Variants in TM6SF1 observed in about 807,000 individuals in gnomAD.
The protein encoded by TM6SF1 is transmembrane 6 superfamily member 1.
Under a neutral mutation model 47.1 loss-of-function variants are expected in TM6SF1, and 43 were observed. That is an observed-to-expected ratio of 0.91 (90% CI 0.72 to 1.18). The LOEUF (loss-of-function observed/expected upper bound fraction) is 1.18, where lower values mean the gene tolerates loss of function less well. TM6SF1 is among the 50% of genes most tolerant of loss of function. The pLI is 0.00. For synonymous variants in TM6SF1, 177 were observed against 166.3 expected (o/e 1.06, Z -0.49); for missense variants, 390 against 449.0 (o/e 0.87, Z 1.19).
chr15:83,107,826 G>A lies in TM6SF1; in HGVS notation c.92+54G>A. 1.3e-6 allele frequency: 2 copies of A among 1,528,010 alleles called. No individual in the cohort carries two copies. The highest frequency in any genetic ancestry group is 1.8e-6 in the Non-Finnish European group (2 of 1,138,374). The allele number at this position is 1,528,010 out of a possible 1,614,324, so 94.7% of individuals were successfully genotyped here. ...GCCGAGGGGCGGCGGGAGTTGGCTCGCCGCGACGGGAGCCTCGCAACTTTT... is the reference window on the plus strand; with the variant it reads ...GCCGAGGGGCGGCGGGAGTTGGCTCACCGCGACGGGAGCCTCGCAACTTTT... On this transcript the variant is annotated intron_variant, in intron 1 of 9. Transcript: ENST00000322019. This position sits in a 1 kb window ranked among gnomAD's most constrained non-coding sequence, Gnocchi z 5.6.
At chr15:83,130,033 A>G (rs1181236798) in intron 9 of TM6SF1, 1 of 152,260 alleles carries the variant, frequency 6.6e-6, no homozygotes, top group African/African-American at 2.4e-5. Context: ...TGCCTGCACA[A>G]TCAGGCCTCC....
rs1363920134 is a variant in TM6SF1 at position 83,127,455 on chromosome 15, T to C, written c.899T>C (p.Ile300Thr). The change falls in exon 9 of 10, where the codon ATA becomes ACA. Residue 300 changes from isoleucine to threonine, a missense_variant. Coordinates refer to ENST00000322019, the MANE Select transcript of TM6SF1 (RefSeq NM_023003.5). Reference protein sequence around the residue: ...GCSWMPDITLIHAGGLAQAQF... With the variant: ...GCSWMPDITLTHAGGLAQAQF... ...TCCTGGATGCCTGACATCACATTGA[T>C]ACATGCTGGAGGTCTGGCTCAGGTA... 2 of 1,613,794 alleles carry C rather than the reference T, an allele frequency of 1.2e-6. No individual in the cohort carries two copies. Among genetic ancestry groups the C allele is most frequent in the Non-Finnish European group, 1.7e-6 (2 of 1,179,882 alleles).
intron 1 of TM6SF1, among the ~76,000 whole-genome samples, chr15:83,111,004 G>C (rs751369596): frequency 9.2e-5 from 14 of 152,122 alleles, no homozygotes; most frequent in Non-Finnish European, 1.8e-4. Flanking sequence ...CCAAGTAGCG[G>C]GGATTACAGG....
chr15:83,110,557 G>A (rs1007408163), intron 1 of TM6SF1, among the ~76,000 whole-genome samples: 6 of 152,160 alleles, frequency 3.9e-5, no homozygotes, highest in Non-Finnish European at 8.8e-5. Context: ...CACCAACCAC[G>A]CGATCCTGCT....
intron 4 of TM6SF1, among the ~76,000 whole-genome samples, chr15:83,121,081 T>A (rs901833494): frequency 1.4e-4 from 21 of 152,006 alleles, no homozygotes; most frequent in Non-Finnish European, 2.1e-4. Context: ...ACTTTTTTTT[T>A]TTATTTTGAG....
At chr15:83,112,117 G>A (rs1484131411) in intron 1 of TM6SF1, among the ~76,000 whole-genome samples, 1 of 152,072 alleles carries the variant, frequency 6.6e-6, no homozygotes, top group East Asian at 1.9e-4. Context: ...TCCCTTTCCT[G>A]TAGAACATCC....
At chr15:83,130,337 C>G (rs1293600216) in intron 9 of TM6SF1, 1 of 152,412 alleles carries the variant, frequency 6.6e-6, no homozygotes, top group African/African-American at 2.4e-5. Context: ...ACTTATTACT[C>G]CAGCCAAGTG....
At position 83,122,132 on chromosome 15, in the gene TM6SF1, A is replaced by G. The variant is rs2035314459; in HGVS notation, c.481+129A>G. ...GCTTACTAAAAACCTGTTTTGCAGAATAATTCCTTTTTCTCACCTTTAAAA... is the reference window on the plus strand; with the variant it reads ...GCTTACTAAAAACCTGTTTTGCAGAGTAATTCCTTTTTCTCACCTTTAAAA... On this transcript the variant is annotated intron_variant, in intron 5 of 9. Coordinates refer to ENST00000322019, the MANE Select transcript of TM6SF1 (RefSeq NM_023003.5). 2.6e-6 allele frequency: 2 copies of G among 780,566 alleles called. No homozygotes were observed. The highest frequency in any genetic ancestry group is 4.1e-6 in the Non-Finnish European group (2 of 481,936). The allele number at this position is 780,566 out of a possible 1,614,324, so 48.4% of individuals were successfully genotyped here. A position where few individuals can be genotyped will look rare whatever the true frequency, so the allele number is the denominator to read the frequency against.
At chr15:83,127,233 A>T in intron 8 of TM6SF1, 125 bp from the exon 9 acceptor site, 2 of 887,954 alleles carry the variant, frequency 2.3e-6, no homozygotes, top group Non-Finnish European at 3.1e-6. Flanking sequence ...AAAAAAAAAA[A>T]GAGTCCCATA....
chr15:83,126,540 C>T (rs112772880), intron 7 of TM6SF1, among the ~76,000 whole-genome samples: 3 of 152,274 alleles, frequency 2.0e-5, no homozygotes, highest in African/African-American at 7.2e-5. Flanking sequence ...AAGAATAGGG[C>T]ATTAGTTTCC....
rs1233766728 is a variant in TM6SF1, at chr15:83,119,592, G to C, written c.309G>C (p.Leu103=). ...GCTTTCTTTAGGGTGAACCGTATCT[G>C]AACACCGCATATGGGCACATGATCT... ...THYLREGEPY[L]NTAYGHMICY... is the part of the protein sequence containing the mutation. Residue 103 remains leucine (L), a synonymous_variant, in exon 4 of 10, where the codon CTG becomes CTC. Transcript: ENST00000322019. 1 of 1,613,994 alleles carries C rather than the reference G, an allele frequency of 6.2e-7. No homozygotes were observed. Among genetic ancestry groups the C allele is most frequent in the Admixed American group, 1.7e-5 (1 of 60,004 alleles).
intron 3 of TM6SF1, 137 bp from the exon 4 acceptor site, chr15:83,119,441 A>C: frequency 1.1e-6 from 1 of 927,272 alleles, no homozygotes; most frequent in Non-Finnish European, 1.6e-6. Context: ...TGTTCCTACC[A>C]ATTTTGAAGA....
At chr15:83,115,589 A>G in intron 2 of TM6SF1, 1 of 624,758 alleles carries the variant, frequency 1.6e-6, no homozygotes, top group Non-Finnish European at 3.0e-6. Context: ...CTGAGCCGGC[A>G]GTGACCATCA....
intron 9 of TM6SF1, chr15:83,129,146 A>C (rs555812865): frequency 2.0e-5 from 3 of 151,076 alleles, no homozygotes; most frequent in African/African-American, 7.3e-5. Context: ...AGTTAGTTTT[A>C]CTCCAGTGAT....
chr15:83,110,287 AC>A (rs1045051971), intron 1 of TM6SF1, among the ~76,000 whole-genome samples: 2 of 151,776 alleles, frequency 1.3e-5, no homozygotes, highest in African/African-American at 4.8e-5. Flanking sequence ...AGCCCTTCCC[AC>A]CCCCCAAGAC....
Position 83,124,665 on chromosome 15 carries a change from A to G in TM6SF1, c.604-7A>G. On this transcript the variant is annotated splice_polypyrimidine_tract_variant and splice_region_variant and intron_variant, in intron 6 of 9. Transcript: ENST00000322019. ...GGCCTGCTCTTTAGGTACAAACTCT[A>G]TTTTAGGTTATTCAAGAAGCCCAAG... The G allele has an allele frequency of 3.1e-6, 5 of 1,612,928 alleles. 2 individuals carry two copies. The East Asian group carries it at 1.1e-4, about 36-fold the overall frequency.
chr15:83,127,416 T>C lies in TM6SF1; in HGVS notation c.860T>C (p.Val287Ala), dbSNP rs148691649. 68 of 1,613,934 alleles carry C rather than the reference T, an allele frequency of 4.2e-5. No homozygotes were observed. Among genetic ancestry groups the C allele is most frequent in the Non-Finnish European group, 5.7e-5 (67 of 1,179,968 alleles). The change falls in exon 9 of 10, where the codon GTG (valine) becomes GCG (alanine). Residue 287 changes from valine to alanine, a missense_variant. Val to Ala is a moderately conservative substitution (Grantham distance 64). Transcript: ENST00000322019. ...PYFVTALYGL[V>A]VPGCSWMPDI... ...TTTGTGACTGCACTGTATGGCTTAG[T>C]GGTTCCTGGATGTTCCTGGATGCCT...
intron 2 of TM6SF1, 128 bp from the exon 3 acceptor site, chr15:83,115,717 T>G (rs1216286682): frequency 1.1e-5 from 8 of 741,196 alleles, no homozygotes; most frequent in Middle Eastern, 2.2e-4. Flanking sequence ...TGTTAGTCTA[T>G]CTCGATAATT....
rs181345737 is a variant in TM6SF1 at position 83,110,289 on chromosome 15, C to T, written c.93-2508C>T. ...GAAGGGCATCAGCAGCCCTTCCCAC[C>T]CCCCAAGACTAGCAACTTTCTCATC... On this transcript the variant is annotated intron_variant, in intron 1 of 9. Coordinates refer to ENST00000322019, the MANE Select transcript of TM6SF1 (RefSeq NM_023003.5). 1.9e-3 allele frequency among the ~76,000 whole-genome samples: 287 copies of T among 152,158 alleles called. 1 individual carries two copies. Among genetic ancestry groups the T allele is most frequent in the African/African-American group, 6.7e-3 (278 of 41,484 alleles).
Sources: gnomAD v4.1 joint callset for allele counts (sites outside exome capture counted in the v4.1 genomes callset) on GRCh38, gnomAD v4.1.1 for gene constraint, Gnocchi (gnomAD v3.1) non-coding constraint, MANE v1.5 for transcripts, NCBI Gene and HGNC (gene_info 2026-07-23, HGNC 2026-07-21) for gene names.